Variants in WIPI1 observed in about 807,000 individuals in gnomAD.
WIPI1 encodes the protein WD repeat domain, phosphoinositide interacting 1.
WIPI1 carries 45 observed loss-of-function variants against 55.3 expected under a neutral mutation model. The ratio of observed to expected loss-of-function variants is 0.81; its 90% confidence interval spans 0.64 to 1.04. The LOEUF is 1.04. WIPI1 is among the 50% of genes least tolerant of loss of function. The probability of loss-of-function intolerance (pLI) is 0.00; values close to 1 mark genes in which losing one functional copy is unlikely to be tolerated. For synonymous variants in WIPI1, 195 were observed against 217.6 expected (o/e 0.90, Z 0.92); for missense variants, 445 against 559.0 (o/e 0.80, Z 2.06).
intron 10 of WIPI1, among the ~76,000 whole-genome samples, chr17:68,427,916 G>A (rs1012917435): frequency 6.6e-6 from 1 of 152,096 alleles, no homozygotes; most frequent in Non-Finnish European, 1.5e-5. Flanking sequence ...TTGAGACAGG[G>A]TCTCACTCTG....
chr17:68,444,469 A>G (rs1200553115), intron 4 of WIPI1, 24 bp downstream of exon 4: 1 of 1,599,528 alleles, frequency 6.3e-7, no homozygotes, highest in Non-Finnish European at 8.5e-7. Context: ...TTTCAGGGAC[A>G]TTTGTTCCAT....
rs758958534 is a variant in WIPI1, at chr17:68,428,785, G to C, written c.1073+44C>G. On this transcript the variant is annotated intron_variant, in intron 10 of 12. Transcript: ENST00000262139. ...TCTTGGCGAAGGGACAACTCTACAC[G>C]ACCAGCTCTCGAAAGGCTGTCTTTT... 7 of 1,480,374 alleles carry C rather than the reference G, an allele frequency of 4.7e-6. No individual in the cohort carries two copies. In the Admixed American group the frequency reaches 1.2e-4, roughly 25 times the overall value. The allele number at this position is 1,480,374 out of a possible 1,614,324, so 91.7% of individuals were successfully genotyped here.
rs899149396 is a variant in WIPI1 at position 68,447,322 on chromosome 17, A to G, written c.334-2733T>C. Among the ~76,000 whole-genome samples the G allele has an allele frequency of 1.5e-4, 23 of 152,344 alleles. No homozygotes were observed. The South Asian group carries it at 2.3e-3, about 15-fold the overall frequency. On this transcript the variant is annotated intron_variant, in intron 3 of 12. Transcript: ENST00000262139. The stretch of plus-strand genomic sequence containing the variant: ...TTCCTCAGTTCAATACAAGAGAAAT[A>G]ACATTAACTAAAAATGAAACATATG...
chr17:68,449,141 C>G (rs771260477), intron 3 of WIPI1, among the ~76,000 whole-genome samples: 2 of 152,134 alleles, frequency 1.3e-5, no homozygotes, highest in Admixed American at 6.6e-5. Context: ...AAACATTGTC[C>G]TCAATGAATG....
chr17:68,425,382 C>CT (rs112331284), intron 12 of WIPI1, among the ~76,000 whole-genome samples: 33 of 132,288 alleles, frequency 2.5e-4, no homozygotes, highest in East Asian at 8.9e-4. Context: ...TTTTTCTTTT[C>CT]TTTTTTTTTT....
chr17:68,426,252 G>GGGGGGGGGGGGGGT lies in WIPI1; in HGVS notation c.1193-78_1193-77insACCCCCCCCCCCCC. 8.5e-6 allele frequency: 7 copies of GGGGGGGGGGGGGGT among 828,186 alleles called. 2 individuals are homozygous for GGGGGGGGGGGGGGT. Among genetic ancestry groups the GGGGGGGGGGGGGGT allele is most frequent in the South Asian group, 2.7e-5 (2 of 75,386 alleles). The allele number at this position is 828,186 out of a possible 1,614,324, so 51.3% of individuals were successfully genotyped here. ...CCATGACCTGGCGGGTGGGGAGCGG[G>GGGGGGGGGGGGGGT]GGCTCAAATAAAGGGCAAAGGAAGC... On this transcript the variant is annotated intron_variant, in intron 11 of 12. Transcript: ENST00000262139.
intron 4 of WIPI1, among the ~76,000 whole-genome samples, chr17:68,442,487 G>A (rs1268928461): frequency 2.0e-5 from 3 of 149,892 alleles, no homozygotes; most frequent in African/African-American, 7.4e-5. Context: ...AAAAAAAGGA[G>A]AAACATCTGT....
intron 3 of WIPI1, among the ~76,000 whole-genome samples, chr17:68,446,222 C>G (rs2084278061): frequency 2.0e-5 from 3 of 151,890 alleles, no homozygotes; most frequent in Admixed American, 2.0e-4. Flanking sequence ...GTTCTGTCAC[C>G]CAGGCTGCAG....
At chr17:68,437,932 A>G (rs1008157206) in intron 4 of WIPI1, among the ~76,000 whole-genome samples, 1 of 131,136 alleles carries the variant, frequency 7.6e-6, no homozygotes, top group African/African-American at 2.9e-5. Flanking sequence ...AGATCACGCA[A>G]GAGAGACATC....
intron 3 of WIPI1, among the ~76,000 whole-genome samples, chr17:68,447,968 G>C (rs948197765): frequency 4.1e-5 from 5 of 122,458 alleles, no homozygotes; most frequent in Non-Finnish European, 8.0e-5. Context: ...CTGGGCAACA[G>C]AGTGAGACTC....
chr17:68,430,789 G>C (rs907770055), intron 8 of WIPI1, among the ~76,000 whole-genome samples: 1 of 152,174 alleles, frequency 6.6e-6, no homozygotes, highest in Admixed American at 6.5e-5. Flanking sequence ...ACAACCCCCA[G>C]CTCTGCCCCA....
At chr17:68,452,556 C>T (rs1254696639) in intron 2 of WIPI1, among the ~76,000 whole-genome samples, 1 of 152,108 alleles carries the variant, frequency 6.6e-6, no homozygotes, top group Non-Finnish European at 1.5e-5. Context: ...TAGAGCAAGA[C>T]TCCATCTCAA....
chr17:68,439,778 C>T (rs1476946199), intron 4 of WIPI1, among the ~76,000 whole-genome samples: 1 of 152,142 alleles, frequency 6.6e-6, no homozygotes, highest in Non-Finnish European at 1.5e-5. Flanking sequence ...CTCTTTCAGG[C>T]CTGTTTCCTG....
intron 7 of WIPI1, 112 bp downstream of exon 7, chr17:68,434,444 C>T (rs2083685922): frequency 2.8e-6 from 3 of 1,062,574 alleles, no homozygotes; most frequent in African/African-American, 3.2e-5. Flanking sequence ...ACACTTCCTC[C>T]AGGTGAGTGG....
intron 4 of WIPI1, among the ~76,000 whole-genome samples, chr17:68,440,285 C>A (rs573904869): frequency 2.0e-5 from 3 of 152,208 alleles, no homozygotes; most frequent in Non-Finnish European, 4.4e-5. Flanking sequence ...AAAAATCCAA[C>A]GAGCCACACG....
chr17:68,424,811 AGG>A (rs2083050226), intron 12 of WIPI1, among the ~76,000 whole-genome samples: 1 of 152,006 alleles, frequency 6.6e-6, no homozygotes, highest in African/African-American at 2.4e-5. Flanking sequence ...CAGGAGGCAG[AGG>A]CTGCAGCGAG....
chr17:68,421,957 C>G, intron 12 of WIPI1, 137 bp from the exon 13 acceptor site: 1 of 1,013,472 alleles, frequency 9.9e-7, no homozygotes. Context: ...TCTGAACTCG[C>G]TCATGGCCAC....
chr17:68,457,276 G>A, intron 1 of WIPI1, 66 bp downstream of exon 1: 2 of 1,521,798 alleles, frequency 1.3e-6, no homozygotes, highest in Admixed American at 2.0e-5. Flanking sequence ...CTGCTCTCAG[G>A]ACGACACCCC....
In WIPI1 at chr17:68,423,304, C is replaced by G. The variant is rs1403592788; in HGVS notation, c.1294-1484G>C. Among the ~76,000 whole-genome samples the G allele has an allele frequency of 6.6e-6, 1 of 152,164 alleles. No individual in the cohort carries two copies. The highest frequency in any genetic ancestry group is 1.5e-5 in the Non-Finnish European group (1 of 68,024). On this transcript the variant is annotated intron_variant, in intron 12 of 12. Transcript: ENST00000262139. The surrounding 1 kb of genome is among the most constrained non-coding windows in gnomAD (Gnocchi z 4.4). ...CCAATTCAGGCATGACTGAGATGGGCCATATTGATAGAGCATCCCAGGAGC... is the reference window on the plus strand; with the variant it reads ...CCAATTCAGGCATGACTGAGATGGGGCATATTGATAGAGCATCCCAGGAGC...
Sources: allele counts gnomAD v4.1 joint callset (sites outside exome capture counted in the v4.1 genomes callset), GRCh38; gene constraint gnomAD v4.1.1; non-coding constraint Gnocchi (gnomAD v3.1); transcripts MANE v1.5; gene names NCBI Gene and HGNC (gene_info 2026-07-23, HGNC 2026-07-21).